PKHD1: variants seen among roughly 807,000 people sequenced by gnomAD.
The protein encoded by PKHD1 is PKHD1 ciliary IPT domain containing fibrocystin/polyductin, also known as fibrocystin.
Under a neutral mutation model 412.0 loss-of-function variants are expected in PKHD1, and 291 were observed. The observed-to-expected ratio is 0.71, with a 90% CI of 0.64 to 0.78. PKHD1 has a LOEUF of 0.78. Among genes scored for constraint, PKHD1 ranks in the 30% least tolerant of loss-of-function variants. PKHD1 has a pLI of 0.00. For missense variants in PKHD1, 4,825 were observed against 4,950.7 expected, an observed-to-expected ratio of 0.97 and a Z score of 0.76; for synonymous variants, 1,777 against 1,821.5, an observed-to-expected ratio of 0.98 and a Z score of 0.62.
intron 24 of PKHD1, among the ~76,000 whole-genome samples, chr6:52,045,779 A>C (rs1461634310): frequency 6.6e-6 from 1 of 152,180 alleles, no homozygotes; most frequent in African/African-American, 2.4e-5. Flanking sequence ...ACCTACACTG[A>C]GTTAGGAAGG....
chr6:51,812,957 C>G (rs1764919350), intron 52 of PKHD1, among the ~76,000 whole-genome samples: 1 of 152,176 alleles, frequency 6.6e-6, no homozygotes, highest in Non-Finnish European at 1.5e-5. Context: ...AATTGCCAAT[C>G]AGAAAATCTT....
chr6:51,922,089 G>C (rs576570169), intron 37 of PKHD1, among the ~76,000 whole-genome samples: 1 of 152,320 alleles, frequency 6.6e-6, no homozygotes, highest in Admixed American at 6.5e-5. Flanking sequence ...GGTCTTTGAT[G>C]ATGGTGACCA....
At chr6:52,080,841 T>C (rs980636484) in intron 4 of PKHD1, among the ~76,000 whole-genome samples, 1 of 152,218 alleles carries the variant, frequency 6.6e-6, no homozygotes, top group Non-Finnish European at 1.5e-5. Flanking sequence ...ATTTTAGATA[T>C]GTTGAGTTAA....
intron 60 of PKHD1, among the ~76,000 whole-genome samples, chr6:51,667,619 C>A (rs1388269829): frequency 1.3e-5 from 2 of 151,706 alleles, no homozygotes; most frequent in Admixed American, 1.3e-4. Context: ...AAGTCCTTGC[C>A]CATGCCTATG....
intron 22 of PKHD1, among the ~76,000 whole-genome samples, chr6:52,049,885 C>T (rs1806506014): frequency 1.3e-5 from 2 of 152,068 alleles, no homozygotes; most frequent in African/African-American, 4.8e-5. Flanking sequence ...AAGCGTAGTC[C>T]CCAGACCAGC....
At chr6:51,793,658 C>T (rs1361297411) in intron 52 of PKHD1, among the ~76,000 whole-genome samples, 1 of 152,160 alleles carries the variant, frequency 6.6e-6, no homozygotes, top group Non-Finnish European at 1.5e-5. Context: ...GGATAATGGC[C>T]TCCAGCTCCA....
intron 50 of PKHD1, among the ~76,000 whole-genome samples, chr6:51,840,641 C>T (rs1489387286): frequency 1.3e-5 from 2 of 152,170 alleles, no homozygotes; most frequent in Non-Finnish European, 1.5e-5. Flanking sequence ...ATAAGCATTT[C>T]AGCTGTTTAC....
At chr6:51,961,288 A>G (rs998341384) in intron 35 of PKHD1, among the ~76,000 whole-genome samples, 1 of 152,178 alleles carries the variant, frequency 6.6e-6, no homozygotes, top group Non-Finnish European at 1.5e-5. Flanking sequence ...AAAAAGATAC[A>G]AACCCCAAGG....
At chr6:51,889,379 G>A (rs1383009389) in intron 43 of PKHD1, among the ~76,000 whole-genome samples, 6 of 152,172 alleles carry the variant, frequency 3.9e-5, no homozygotes, top group East Asian at 1.9e-4. Context: ...TGGGGACTAC[G>A]CTGTGAGCAT....
intron 52 of PKHD1, among the ~76,000 whole-genome samples, chr6:51,818,982 T>C (rs1765933907): frequency 6.6e-6 from 1 of 152,212 alleles, no homozygotes; most frequent in Non-Finnish European, 1.5e-5. Flanking sequence ...CAATTTTTAA[T>C]AAAAATAATA....
At chr6:51,951,138 GTTA>G (rs1790303257) in intron 36 of PKHD1, among the ~76,000 whole-genome samples, 1 of 152,138 alleles carries the variant, frequency 6.6e-6, no homozygotes, top group Non-Finnish European at 1.5e-5. Context: ...AAATGCCTTT[GTTA>G]TTATAGCTAC....
chr6:52,062,561 C>T lies in PKHD1; in HGVS notation c.1076G>A (p.Ser359Asn). ...CTGTGACCAAAACCCAAATGGAGAA[C>T]TGGCATTAGGGACAATCTGCCACCT... Reference protein sequence around the residue: ...GYRWQIVPNASSPFGFWSQEG... With the variant: ...GYRWQIVPNANSPFGFWSQEG... Residue 359 changes from serine to asparagine, a missense_variant, in exon 14 of 67, where the codon AGT becomes AAT. By Grantham distance (46) the Ser-to-Asn change is conservative (BLOSUM62 1). Transcript: ENST00000371117. 3.7e-6 allele frequency: 6 copies of T among 1,614,158 alleles called. No individual in the cohort carries two copies. Among genetic ancestry groups the T allele is most frequent in the Non-Finnish European group, 5.1e-6 (6 of 1,179,974 alleles).
Position 51,888,804 on chromosome 6 carries a change from G to A in PKHD1, c.6997-1559C>T, listed in dbSNP as rs113265528. ...CATCTGAGTTCTCTCAGTGTCACAC[G>A]CTCACATCTTAAGGATCCCAAGCCT... On this transcript the variant is annotated intron_variant, in intron 43 of 66. Coordinates refer to ENST00000371117, the MANE Select transcript of PKHD1 (RefSeq NM_138694.4). 2.6e-3 allele frequency among the ~76,000 whole-genome samples: 395 copies of A among 149,214 alleles called. 5 individuals carry two copies. The highest frequency in any genetic ancestry group is 8.8e-3 in the African/African-American group (355 of 40,538).
Position 51,746,756 on chromosome 6 carries a change from A to G in PKHD1, c.9963T>C (p.Asp3321=), listed in dbSNP as rs1319840259. ...ATGAAGGAAAGTAGAACTTGTTTTT[A>G]TCTTTTATCTTTAGCATCCTGGTCC... is the stretch of plus-strand genomic sequence containing the variant. ...AERTRMLKIK[D]KNKFYFPSLQ... is the part of the protein sequence containing the mutation. The change falls in exon 59 of 67, where the codon GAT becomes GAC. Residue 3321 remains aspartate (D), a synonymous_variant. Transcript: ENST00000371117. The G allele has an allele frequency of 5.0e-6, 8 of 1,610,240 alleles. No homozygotes were observed. Among genetic ancestry groups the G allele is most frequent in the East Asian group, 2.2e-5 (1 of 44,800 alleles).
At chr6:52,004,971 C>G (rs1798872939) in intron 35 of PKHD1, among the ~76,000 whole-genome samples, 1 of 152,134 alleles carries the variant, frequency 6.6e-6, no homozygotes, top group Non-Finnish European at 1.5e-5. Flanking sequence ...CTGCAGACTT[C>G]TAGAGTTCCT....
chr6:51,721,343 G>T, intron 60 of PKHD1: 2 of 592,358 alleles, frequency 3.4e-6, no homozygotes, highest in Non-Finnish European at 4.2e-6. Flanking sequence ...ATTAGTATTA[G>T]TATATTATTG....
chr6:51,880,981 A>G (rs1167518526), intron 46 of PKHD1, among the ~76,000 whole-genome samples: 4 of 150,072 alleles, frequency 2.7e-5, no homozygotes, highest in African/African-American at 7.4e-5. Flanking sequence ...AAAAAAAAAG[A>G]AAGTGTTAAT....
chr6:51,778,061 GA>G (rs1291746165), intron 53 of PKHD1, among the ~76,000 whole-genome samples: 1 of 152,062 alleles, frequency 6.6e-6, no homozygotes, highest in Admixed American at 6.6e-5. Context: ...AATGCTTCTT[GA>G]ATGTGTAAAA....
At chr6:51,624,214 C>A (rs1403858576) in intron 66 of PKHD1, among the ~76,000 whole-genome samples, 1 of 152,130 alleles carries the variant, frequency 6.6e-6, no homozygotes, top group Non-Finnish European at 1.5e-5. Context: ...TACCACCATA[C>A]CAGGCTCTTC....
Sources: allele counts gnomAD v4.1 joint callset (sites outside exome capture counted in the v4.1 genomes callset), GRCh38; gene constraint gnomAD v4.1.1; transcripts MANE v1.5; gene names NCBI Gene and HGNC (gene_info 2026-07-23, HGNC 2026-07-21).